The following TBC1D22A variants were observed in gnomAD, a reference collection of about 807,000 sequenced individuals.
The protein encoded by TBC1D22A is putative GTPase activator.
TBC1D22A carries 38 observed loss-of-function variants against 60.2 expected under a neutral mutation model. The observed-to-expected ratio is 0.63, with a 90% CI of 0.49 to 0.83. The LOEUF is 0.83. Among genes scored for constraint, TBC1D22A ranks in the 40% least tolerant of loss-of-function variants. The pLI is 0.00. For missense variants in TBC1D22A, 628 were observed against 701.0 expected, an observed-to-expected ratio of 0.90 and a Z score of 1.18; for synonymous variants, 302 against 281.7, an observed-to-expected ratio of 1.07 and a Z score of -0.72.
chr22:46,963,490 G>T (rs2073645585), intron 8 of TBC1D22A, among the ~76,000 whole-genome samples: 1 of 151,432 alleles, frequency 6.6e-6, no homozygotes, highest in African/African-American at 2.4e-5. Flanking sequence ...GCAGGCCCTT[G>T]TTCCTGTGCC....
At chr22:47,160,341 G>A (rs1001948099) in intron 12 of TBC1D22A, among the ~76,000 whole-genome samples, 4 of 152,232 alleles carry the variant, frequency 2.6e-5, no homozygotes, top group African/African-American at 9.6e-5. Context: ...GCTCACTGGG[G>A]ATCCGGGGCC....
chr22:46,768,599 G>A (rs896465932), intron 1 of TBC1D22A, among the ~76,000 whole-genome samples: 4 of 151,538 alleles, frequency 2.6e-5, no homozygotes, highest in African/African-American at 4.9e-5. Flanking sequence ...GTTGCTTTCC[G>A]CAGTTGCAGT....
At chr22:47,136,213 G>C (rs1259662650) in intron 12 of TBC1D22A, among the ~76,000 whole-genome samples, 1 of 152,230 alleles carries the variant, frequency 6.6e-6, no homozygotes. Context: ...CTTGCCCACT[G>C]TCTGCCCATC....
Position 47,073,880 on chromosome 22 carries a change from C to G in TBC1D22A, c.1329+36682C>G, listed in dbSNP as rs192812112. Among the ~76,000 whole-genome samples the G allele has an allele frequency of 7.3e-4, 111 of 152,274 alleles. 1 individual carries two copies. Among genetic ancestry groups the G allele is most frequent in the Non-Finnish European group, 9.8e-4 (67 of 68,024 alleles). On this transcript the variant is annotated intron_variant, in intron 11 of 12. Transcript: ENST00000337137. ...CATTAGCACACACCTGTAATCTCAG[C>G]ACTTTGGAAGGTCGAGGAGGGCAGA... is the stretch of plus-strand genomic sequence containing the variant.
intron 12 of TBC1D22A, among the ~76,000 whole-genome samples, chr22:47,137,678 G>T (rs927579726): frequency 6.6e-6 from 1 of 152,232 alleles, no homozygotes. Context: ...ACCCAAGCCT[G>T]GCCCCTGAAG....
rs2068584907 is a variant in TBC1D22A at position 47,173,868 on chromosome 22, G to C, written c.*242G>C. 2 of 520,198 alleles carry C rather than the reference G, an allele frequency of 3.8e-6. No homozygotes were observed. The highest frequency in any genetic ancestry group is 7.1e-5 in the Admixed American group (2 of 28,188). 32.2% of individuals were successfully genotyped at this position (520,198 alleles called of 1,614,324 possible). ...GGGAGGGCCCCGGGTTCGGCGGCCA[G>C]AGGCAGGTCAGGGGTCCCCTCTCCC... is the stretch of plus-strand genomic sequence containing the variant. On this transcript the variant is annotated 3_prime_UTR_variant, in exon 13 of 13. Coordinates refer to ENST00000337137, the MANE Select transcript of TBC1D22A (RefSeq NM_014346.5).
At chr22:46,815,997 G>A (rs1447915761) in intron 4 of TBC1D22A, among the ~76,000 whole-genome samples, 2 of 152,324 alleles carry the variant, frequency 1.3e-5, no homozygotes, top group African/African-American at 4.8e-5. Flanking sequence ...TGGGGAACGA[G>A]AAGCAGATTG....
At chr22:47,065,457 G>A (rs182076012) in intron 11 of TBC1D22A, among the ~76,000 whole-genome samples, 8 of 152,306 alleles carry the variant, frequency 5.3e-5, no homozygotes, top group Non-Finnish European at 1.0e-4. Context: ...CAGGGCTCAC[G>A]ACCCTCCTGC....
At chr22:46,852,117 G>A (rs2087309918) in intron 4 of TBC1D22A, among the ~76,000 whole-genome samples, 1 of 152,210 alleles carries the variant, frequency 6.6e-6, no homozygotes, top group Admixed American at 6.5e-5. Flanking sequence ...GTCTTTCCCA[G>A]GCGTGCTGCA....
intron 8 of TBC1D22A, among the ~76,000 whole-genome samples, chr22:46,917,396 G>C (rs929512611): frequency 1.8e-4 from 27 of 152,178 alleles, no homozygotes; most frequent in African/African-American, 5.8e-4. Context: ...TGAGAGGAGG[G>C]CCTGGTCCTG....
intron 11 of TBC1D22A, among the ~76,000 whole-genome samples, chr22:47,086,200 C>T (rs958762186): frequency 2.0e-5 from 3 of 152,198 alleles, no homozygotes; most frequent in African/African-American, 7.2e-5. Context: ...CGCGGTGGCT[C>T]ATGCCTGTAA....
intron 1 of TBC1D22A, among the ~76,000 whole-genome samples, chr22:46,781,801 A>C (rs1478951515): frequency 6.6e-6 from 1 of 152,082 alleles, no homozygotes; most frequent in South Asian, 2.1e-4. Flanking sequence ...GTGACCCTTC[A>C]TCAGTGTTTG....
intron 1 of TBC1D22A, among the ~76,000 whole-genome samples, chr22:46,790,644 A>C (rs2084365418): frequency 6.6e-6 from 1 of 151,990 alleles, no homozygotes; most frequent in African/African-American, 2.4e-5. Context: ...GTACAAATGA[A>C]CAAAATAAAA....
At chr22:46,961,734 C>T (rs183839839) in intron 8 of TBC1D22A, among the ~76,000 whole-genome samples, 2 of 152,130 alleles carry the variant, frequency 1.3e-5, no homozygotes, top group Non-Finnish European at 2.9e-5. Flanking sequence ...GACGGGGGCA[C>T]GGATGGCTCT....
At chr22:46,833,010 T>C (rs1401392239) in intron 4 of TBC1D22A, among the ~76,000 whole-genome samples, 1 of 152,182 alleles carries the variant, frequency 6.6e-6, no homozygotes, top group East Asian at 1.9e-4. Context: ...GCACAAAGCA[T>C]GTATGCATTC....
chr22:46,986,896 A>G (rs2074746279), intron 9 of TBC1D22A, among the ~76,000 whole-genome samples: 1 of 152,042 alleles, frequency 6.6e-6, no homozygotes, highest in Non-Finnish European at 1.5e-5. Flanking sequence ...TGATGTCTGG[A>G]ATCTCAGGTG....
chr22:46,899,083 G>A (rs1344223628), intron 7 of TBC1D22A, among the ~76,000 whole-genome samples: 4 of 152,164 alleles, frequency 2.6e-5, no homozygotes, highest in African/African-American at 9.7e-5. Flanking sequence ...TGAAGAGTGG[G>A]TAACCTGAGC....
intron 1 of TBC1D22A, among the ~76,000 whole-genome samples, chr22:46,768,983 A>G (rs984889006): frequency 1.3e-5 from 2 of 151,074 alleles, no homozygotes; most frequent in African/African-American, 2.4e-5. Flanking sequence ...AATCCCAGCT[A>G]CTCAGGAGGC....
intron 12 of TBC1D22A, among the ~76,000 whole-genome samples, chr22:47,155,470 A>G (rs2067676153): frequency 6.6e-6 from 1 of 151,964 alleles, no homozygotes; most frequent in African/African-American, 2.4e-5. Flanking sequence ...CAGAGCCTGC[A>G]CTCCGGGCTC....
Sources: gnomAD v4.1 joint callset for allele counts (sites outside exome capture counted in the v4.1 genomes callset) on GRCh38, gnomAD v4.1.1 for gene constraint, MANE v1.5 for transcripts, NCBI Gene and HGNC (gene_info 2026-07-23, HGNC 2026-07-21) for gene names.